CD53: variants seen among roughly 807,000 people sequenced by gnomAD.
CD53 encodes CD53 molecule, also known as leukocyte surface antigen CD53.
CD53 carries 20 observed loss-of-function variants against 27.3 expected under a neutral mutation model. The ratio of observed to expected loss-of-function variants is 0.73; its 90% CI spans 0.52 to 1.07. The LOEUF is 1.07. CD53 is among the 50% of genes least tolerant of loss of function. The pLI, the probability that CD53 is intolerant of heterozygous loss-of-function variation, is 0.00. For missense variants in CD53, 216 were observed against 264.0 expected (o/e 0.82, Z 1.26); for synonymous variants, 106 against 105.3 (o/e 1.01, Z -0.04).
At chr1:110,883,345 G>A (rs1017567523) in intron 1 of CD53, among the ~76,000 whole-genome samples, 41 of 151,828 alleles carry the variant, frequency 2.7e-4, no homozygotes, top group African/African-American at 9.9e-4. Context: ...TCATTAATAT[G>A]ACTAATTAAG....
At chr1:110,896,453 A>G (rs927057724) in intron 5 of CD53, among the ~76,000 whole-genome samples, 200 bp from the exon 6 acceptor site, 3 of 152,102 alleles carry the variant, frequency 2.0e-5, no homozygotes, top group African/African-American at 7.2e-5. Flanking sequence ...AGGGGTCTCT[A>G]CTCCACAGGG....
intron 1 of CD53, among the ~76,000 whole-genome samples, chr1:110,889,802 C>A (rs1050961704): frequency 6.6e-6 from 1 of 152,070 alleles, no homozygotes; most frequent in African/African-American, 2.4e-5. Context: ...TCAAGTTTGA[C>A]CCCAAAGCCT....
At chr1:110,879,105 C>A (rs1656247678) in intron 1 of CD53, among the ~76,000 whole-genome samples, 1 of 151,990 alleles carries the variant, frequency 6.6e-6, no homozygotes, top group Non-Finnish European at 1.5e-5. Context: ...ATTATTCTTG[C>A]CCCGTGTATG....
intron 5 of CD53, 84 bp downstream of exon 5, chr1:110,895,139 A>G (rs1657009336): frequency 1.0e-6 from 1 of 997,670 alleles, no homozygotes; most frequent in Non-Finnish European, 1.6e-6. Flanking sequence ...CTTTTTCTGG[A>G]AGTTTCAGAA....
intron 4 of CD53, 147 bp downstream of exon 4, chr1:110,894,548 TGG>T: frequency 1.6e-6 from 1 of 611,734 alleles, no homozygotes; most frequent in Non-Finnish European, 2.9e-6. Flanking sequence ...TAATTGTAAT[TGG>T]GGGGAAAATT....
In CD53 at chr1:110,890,442, C is replaced by CT. The variant is rs1656807675; in HGVS notation, c.-17-947dup. Among the ~76,000 whole-genome samples, 3 of 152,178 alleles carry CT rather than the reference C, an allele frequency of 2.0e-5. No individual in the cohort carries two copies. The South Asian group carries it at 6.2e-4, about 32-fold the overall frequency. On this transcript the variant is annotated intron_variant, in intron 1 of 7. Transcript: ENST00000271324. ...ATTATCCGGGCATGATGGTGCATGC[C>CT]TTTAGTCTCAGCTACCTGGGAGGCT...
chr1:110,887,116 T>C (rs1027870704), intron 1 of CD53, among the ~76,000 whole-genome samples: 3 of 149,838 alleles, frequency 2.0e-5, no homozygotes, highest in East Asian at 1.9e-4. Context: ...CAGGCTGTAG[T>C]GCAGTGGCGC....
intron 3 of CD53, among the ~76,000 whole-genome samples, chr1:110,893,812 T>C (rs1219591260): frequency 6.6e-6 from 1 of 152,250 alleles, no homozygotes; most frequent in Non-Finnish European, 1.5e-5. Context: ...AAATGTTTTC[T>C]GTTGTGTGTT....
intron 2 of CD53, 40 bp from the exon 3 acceptor site, chr1:110,892,305 C>A (rs1232209139): frequency 1.3e-6 from 2 of 1,503,804 alleles, no homozygotes; most frequent in Non-Finnish European, 1.9e-6. Context: ...ACCCAAGAAC[C>A]ACATTTTGCT....
intron 1 of CD53, among the ~76,000 whole-genome samples, chr1:110,885,278 C>T (rs936686307): frequency 4.6e-5 from 7 of 152,168 alleles, no homozygotes; most frequent in African/African-American, 1.2e-4. Context: ...TGGGCAGGCG[C>T]GGTGGCTCAC....
At position 110,891,459 on chromosome 1, in the gene CD53, C is replaced by T. The variant is rs750479112; in HGVS notation, c.51C>T (p.Asn17=). Residue 17 remains asparagine (N), a synonymous_variant, in exon 2 of 8, where the codon AAC becomes AAT. Coordinates refer to ENST00000271324, the MANE Select transcript of CD53 (RefSeq NM_000560.4). ...TGAAGTATGTCCTGTTTTTCTTCAACTTGCTCTTTTGGGTAAGTGTATCTC... is the reference window on the plus strand; with the variant it reads ...TGAAGTATGTCCTGTTTTTCTTCAATTTGCTCTTTTGGGTAAGTGTATCTC... ...KLLKYVLFFF[N]LLFWICGCCI... 1.2e-6 allele frequency: 2 copies of T among 1,613,390 alleles called. No homozygotes were observed. Among genetic ancestry groups the T allele is most frequent in the South Asian group, 2.2e-5 (2 of 91,072 alleles).
Position 110,894,321 on chromosome 1 carries a change from T to A in CD53, c.253-6T>A, listed in dbSNP as rs754628975. On this transcript the variant is annotated splice_region_variant and splice_polypyrimidine_tract_variant and intron_variant, in intron 3 of 7. Coordinates refer to ENST00000271324, the MANE Select transcript of CD53 (RefSeq NM_000560.4). Reference sequence around the variant, plus strand: ...GTGCTGTGAGAATGTATCTGCTTTGTCCCAGTTCTTCATCCTGCTGCTGAT... The same window carrying A: ...GTGCTGTGAGAATGTATCTGCTTTGACCCAGTTCTTCATCCTGCTGCTGAT... 1.9e-6 allele frequency: 3 copies of A among 1,613,774 alleles called. No individual in the cohort carries two copies. Among genetic ancestry groups the A allele is most frequent in the Non-Finnish European group, 2.5e-6 (3 of 1,179,682 alleles).
At chr1:110,886,798 T>C (rs935010481) in intron 1 of CD53, among the ~76,000 whole-genome samples, 3 of 148,596 alleles carry the variant, frequency 2.0e-5, no homozygotes, top group African/African-American at 4.9e-5. Context: ...TGAGCCAAGA[T>C]CACGCCACTG....
chr1:110,879,022 T>G (rs779243964), intron 1 of CD53, among the ~76,000 whole-genome samples: 5 of 152,060 alleles, frequency 3.3e-5, no homozygotes, highest in Non-Finnish European at 7.4e-5. Flanking sequence ...TTGTTTGATT[T>G]CTTTTTGTTT....
In CD53 at chr1:110,899,572, C is replaced by CT. The variant is rs1657224267; in HGVS notation, c.*379dup. The CT allele has an allele frequency of 5.2e-6, 1 of 191,738 alleles. No homozygotes were observed. Among genetic ancestry groups the CT allele is most frequent in the Non-Finnish European group, 1.1e-5 (1 of 92,296 alleles). 11.9% of individuals were successfully genotyped at this position (191,738 alleles called of 1,614,324 possible). ...CTCCAGCCTCTAAATAATGCCCAGT[C>CT]TTCTCCCCAAAGTCAAGCAAGAGAC... is the stretch of plus-strand genomic sequence containing the variant. On this transcript the variant is annotated 3_prime_UTR_variant, in exon 8 of 8. Coordinates refer to ENST00000271324, the MANE Select transcript of CD53 (RefSeq NM_000560.4).
intron 1 of CD53, among the ~76,000 whole-genome samples, chr1:110,888,430 CT>C (rs1452395857): frequency 8.5e-5 from 13 of 152,186 alleles, no homozygotes; most frequent in African/African-American, 3.1e-4. Flanking sequence ...TGAATATAAG[CT>C]GAGGCAATCA....
intron 1 of CD53, among the ~76,000 whole-genome samples, chr1:110,876,104 G>A (rs1237230161): frequency 6.6e-6 from 1 of 152,162 alleles, no homozygotes; most frequent in Non-Finnish European, 1.5e-5. Context: ...TACTTCAAGC[G>A]AAGTTAGAGA....
At chr1:110,895,609 G>A (rs1657029430) in intron 5 of CD53, among the ~76,000 whole-genome samples, 1 of 152,230 alleles carries the variant, frequency 6.6e-6, no homozygotes, top group Admixed American at 6.5e-5. Context: ...CTGGCTTAGT[G>A]TGGAGTAGAA....
At chr1:110,892,003 A>G (rs542094216) in intron 2 of CD53, among the ~76,000 whole-genome samples, 2 of 152,334 alleles carry the variant, frequency 1.3e-5, no homozygotes, top group Admixed American at 1.3e-4. Flanking sequence ...TCTTCTCTAC[A>G]TGGTCATGGT....
Sources: gnomAD v4.1 joint callset for allele counts (sites outside exome capture counted in the v4.1 genomes callset) on GRCh38, gnomAD v4.1.1 for gene constraint, MANE v1.5 for transcripts, NCBI Gene and HGNC (gene_info 2026-07-23, HGNC 2026-07-21) for gene names.